AASS: variants seen among roughly 807,000 people sequenced by gnomAD.
AASS encodes aminoadipate-semialdehyde synthase, also known as alpha-aminoadipic semialdehyde synthase, mitochondrial.
In AASS, 86 loss-of-function variants were observed where a neutral mutation model predicts 105.4. The observed-to-expected ratio is 0.82, with a 90% CI of 0.69 to 0.98. The LOEUF is 0.98. Among genes scored for constraint, AASS ranks in the 50% least tolerant of loss-of-function variants. The probability of loss-of-function intolerance (pLI) is 0.00; values close to 1 mark genes in which losing one functional copy is unlikely to be tolerated. For synonymous variants in AASS, 381 were observed against 394.8 expected, an observed-to-expected ratio of 0.96 and a Z score of 0.41; for missense variants, 1,048 against 1,143.2, an observed-to-expected ratio of 0.92 and a Z score of 1.20.
chr7:122,113,551 A>T, intron 10 of AASS, 47 bp downstream of exon 10: 1 of 1,605,350 alleles, frequency 6.2e-7, no homozygotes, highest in Non-Finnish European at 8.5e-7. Flanking sequence ...GTAGTATATC[A>T]ATGTAACTAA....
Position 122,133,749 on chromosome 7 carries a change from G to T in AASS, c.-15-8C>A, listed in dbSNP as rs748262149. 6.2e-7 allele frequency: 1 copy of T among 1,611,994 alleles called. No individual in the cohort carries two copies. Among genetic ancestry groups the T allele is most frequent in the Admixed American group, 1.7e-5 (1 of 60,014 alleles). ...CATCTTGACACCTGGTGACTGTAAA[G>T]ACAATGTAAAGAGCAGAGCAACAAA... On this transcript the variant is annotated splice_region_variant and splice_polypyrimidine_tract_variant and intron_variant, in intron 1 of 23. Coordinates refer to ENST00000417368, the MANE Select transcript of AASS (RefSeq NM_005763.4).
intron 15 of AASS, among the ~76,000 whole-genome samples, chr7:122,094,421 A>G (rs1479530271): frequency 6.6e-6 from 1 of 152,088 alleles, no homozygotes; most frequent in African/African-American, 2.4e-5. Flanking sequence ...TGTTTTTTTA[A>G]TGAACTAGAG....
rs75530184 is a variant in AASS, at chr7:122,105,157, A to G, written c.1279-3477T>C. Among the ~76,000 whole-genome samples the G allele has an allele frequency of 1.3e-4, 20 of 152,252 alleles. 1 individual carries two copies. The East Asian group carries it at 3.9e-3, about 29-fold the overall frequency. On this transcript the variant is annotated intron_variant, in intron 11 of 23. Coordinates refer to ENST00000417368, the MANE Select transcript of AASS (RefSeq NM_005763.4). ...AAGAAAGTCATTATTAAAGAGCTCA[A>G]GTCATTAAGAAGTCATAGCAATTGT...
At position 122,085,970 on chromosome 7, in the gene AASS, T is replaced by A. The variant is rs745926902; in HGVS notation, c.2184+42A>T. The A allele has an allele frequency of 5.0e-6, 8 of 1,610,888 alleles. No individual in the cohort carries two copies. The East Asian group carries it at 1.8e-4, about 36-fold the overall frequency. ...AAATTAAGTGTACACATCACTTACA[T>A]CACAACTGGCAACATGTTGAATCTA... On this transcript the variant is annotated intron_variant, in intron 19 of 23. Transcript: ENST00000417368.
chr7:122,115,177 G>C lies in AASS; in HGVS notation c.940C>G (p.Gln314Glu). 1 of 1,614,130 alleles carries C rather than the reference G, an allele frequency of 6.2e-7. No homozygotes were observed. Residue 314 changes from glutamine to glutamate, a missense_variant, in exon 9 of 24, where the codon CAA becomes GAA. Gln to Glu is a conservative substitution (Grantham distance 29). Coordinates refer to ENST00000417368, the MANE Select transcript of AASS (RefSeq NM_005763.4). ...CGGGTTAGGAGGCGAGGAGTGTTTT[G>C]TTCCCAGTAGATTCCATTAATTAAG... ...TCLINGIYWE[Q>E]NTPRLLTRQD...
chr7:122,135,723 G>C (rs1257215498), intron 1 of AASS, among the ~76,000 whole-genome samples: 1 of 152,168 alleles, frequency 6.6e-6, no homozygotes, highest in African/African-American at 2.4e-5. Flanking sequence ...ATGATTGAAA[G>C]ATATCATCTA....
chr7:122,120,289 G>A (rs1795383539), intron 4 of AASS, among the ~76,000 whole-genome samples: 1 of 151,950 alleles, frequency 6.6e-6, no homozygotes, highest in Non-Finnish European at 1.5e-5. Context: ...ATTTCTTCTT[G>A]AGCTGATTTT....
chr7:122,132,802 A>G (rs1459316103), intron 2 of AASS, among the ~76,000 whole-genome samples: 5 of 152,148 alleles, frequency 3.3e-5, no homozygotes. Flanking sequence ...GTCCATGTCA[A>G]TGTCAATATC....
intron 19 of AASS, among the ~76,000 whole-genome samples, chr7:122,085,717 T>C (rs865977755): frequency 6.6e-6 from 1 of 152,108 alleles, no homozygotes; most frequent in Non-Finnish European, 1.5e-5. Flanking sequence ...CTCCTGTGAA[T>C]ACTGGAAAGA....
At position 122,113,600 on chromosome 7, in the gene AASS, G is replaced by A; in HGVS notation, c.1164C>T (p.Asp388=). 2.5e-6 allele frequency: 4 copies of A among 1,613,398 alleles called. No homozygotes were observed. Among genetic ancestry groups the A allele is most frequent in the Non-Finnish European group, 3.4e-6 (4 of 1,179,902 alleles). Residue 388 remains aspartate, a splice_region_variant and synonymous_variant, in exon 10 of 24, where the codon GAC becomes GAT. Coordinates refer to ENST00000417368, the MANE Select transcript of AASS (RefSeq NM_005763.4). ...TCTAACAACTTTAGCAAACTCACCT[G>A]TCATGAATAATATGCTGGTCTGCAT... The part of the protein sequence containing the change: ...MYDADQHIIH[D]SVEGSGILMC...
intron 2 of AASS, among the ~76,000 whole-genome samples, chr7:122,132,026 T>C (rs1415118383): frequency 6.6e-6 from 1 of 152,126 alleles, no homozygotes; most frequent in African/African-American, 2.4e-5. Flanking sequence ...TAAAGAAGCA[T>C]AATGCAATAG....
At chr7:122,082,676 G>A (rs2150509547) in intron 19 of AASS, 1 of 467,538 alleles carries the variant, frequency 2.1e-6, no homozygotes, top group Non-Finnish European at 3.6e-6. Context: ...CTAGTCCATG[G>A]TGAACAAAAA....
At chr7:122,110,767 GAT>G (rs138252913) in intron 11 of AASS, among the ~76,000 whole-genome samples, 30 of 146,328 alleles carry the variant, frequency 2.1e-4, no homozygotes, top group East Asian at 7.9e-4. Flanking sequence ...ATAATGTGGA[GAT>G]ATATATATAT....
intron 3 of AASS, among the ~76,000 whole-genome samples, 180 bp downstream of exon 3, chr7:122,129,181 T>A (rs1349317544): frequency 6.6e-6 from 1 of 152,200 alleles, no homozygotes; most frequent in East Asian, 1.9e-4. Context: ...ATTGACCTTA[T>A]AAATTGGTAA....
intron 11 of AASS, among the ~76,000 whole-genome samples, chr7:122,112,397 A>G (rs1371603655): frequency 6.6e-6 from 1 of 152,208 alleles, no homozygotes; most frequent in African/African-American, 2.4e-5. Context: ...TACTATTTGA[A>G]AGAAAAGAGG....
intron 20 of AASS, 59 bp downstream of exon 20, chr7:122,081,441 A>G: frequency 7.6e-7 from 1 of 1,320,490 alleles, no homozygotes; most frequent in Non-Finnish European, 1.1e-6. Flanking sequence ...TTCACCCCCG[A>G]CCATTTCAGA....
At chr7:122,078,832 G>C in intron 22 of AASS, 30 bp downstream of exon 22, 1 of 1,580,120 alleles carries the variant, frequency 6.3e-7, no homozygotes, top group Non-Finnish European at 8.7e-7. Context: ...TTCTTCTTTA[G>C]GTATATTTAG....
intron 2 of AASS, among the ~76,000 whole-genome samples, 170 bp downstream of exon 2, chr7:122,133,347 T>C (rs1212365757): frequency 6.6e-6 from 1 of 152,140 alleles, no homozygotes; most frequent in Non-Finnish European, 1.5e-5. Flanking sequence ...CTCCTAAAAG[T>C]AAGTTCTTTT....
intron 13 of AASS, among the ~76,000 whole-genome samples, chr7:122,099,505 C>A (rs1192052376): frequency 6.6e-6 from 1 of 151,872 alleles, no homozygotes; most frequent in Admixed American, 6.6e-5. Flanking sequence ...ACCTTCCAGG[C>A]AGATGACTTT....
Sources: gnomAD v4.1 joint callset for allele counts (sites outside exome capture counted in the v4.1 genomes callset) on GRCh38, gnomAD v4.1.1 for gene constraint, MANE v1.5 for transcripts, NCBI Gene and HGNC (gene_info 2026-07-23, HGNC 2026-07-21) for gene names.